Variants in PCDHA7 observed in about 807,000 individuals in gnomAD.
PCDHA7 encodes protocadherin alpha-7.
In PCDHA7, 37 loss-of-function variants were observed where a neutral mutation model predicts 57.2. The ratio of observed to expected loss-of-function variants is 0.65; its 90% CI spans 0.50 to 0.85. PCDHA7 has a LOEUF of 0.85. PCDHA7 is among the 40% of genes least tolerant of loss of function. The pLI is 0.00. For missense variants in PCDHA7, 1,188 were observed against 1,241.8 expected (o/e 0.96, Z 0.65); for synonymous variants, 553 against 558.8 (o/e 0.99, Z 0.15).
At chr5:140,982,665 A>T in intron 3 of PCDHA7, 102 bp downstream of exon 3, 1 of 1,465,322 alleles carries the variant, frequency 6.8e-7, no homozygotes, top group Non-Finnish European at 9.0e-7. Context: ...TTTCTTTTAT[A>T]TTTTTGTTAT....
At chr5:140,859,579 G>A in intron 1 of PCDHA7, 1 of 171,440 alleles carries the variant, frequency 5.8e-6, no homozygotes, top group Non-Finnish European at 1.2e-5. Flanking sequence ...TTGTCATCTT[G>A]CCTATGGCTC....
chr5:140,995,893 A>G (rs1038677586), intron 3 of PCDHA7, among the ~76,000 whole-genome samples: 3 of 152,182 alleles, frequency 2.0e-5, no homozygotes, highest in Non-Finnish European at 4.4e-5. Flanking sequence ...AGATTTATCA[A>G]TGTATAAAAG....
intron 1 of PCDHA7, chr5:140,850,308 G>C: frequency 6.3e-7 from 1 of 1,597,160 alleles, no homozygotes; most frequent in Non-Finnish European, 8.6e-7. Flanking sequence ...GGGCTACAAC[G>C]CGTGGCTTTC....
chr5:140,867,523 A>AGT (rs2050005446), intron 1 of PCDHA7: 1 of 152,088 alleles, frequency 6.6e-6, no homozygotes, highest in South Asian at 2.1e-4. Context: ...TTAATAGTTG[A>AGT]ATATATATAT....
chr5:140,882,928 C>G (rs1554176132), intron 1 of PCDHA7: 1 of 1,614,140 alleles, frequency 6.2e-7, no homozygotes, highest in South Asian at 1.1e-5. Flanking sequence ...GAGGTAAACC[C>G]GAGCTGACTG....
intron 1 of PCDHA7, chr5:140,865,048 T>A (rs2048709545): frequency 1.3e-5 from 2 of 152,178 alleles, no homozygotes; most frequent in Admixed American, 1.3e-4. Flanking sequence ...AAAAATGTCA[T>A]TGTTTTTAAT....
chr5:140,836,242 T>C lies in PCDHA7; in HGVS notation c.1859T>C (p.Ile620Thr). 6.2e-7 allele frequency: 1 copy of C among 1,613,606 alleles called. No individual in the cohort carries two copies. Among genetic ancestry groups the C allele is most frequent in the South Asian group, 1.1e-5 (1 of 91,072 alleles). ...CAACCGGTGGCGGCCGGTGCGAGCA[T>C]CCCGTTCCGCGTGGGGCTGTACACT... ...ELQPVAAGAS[I>T]PFRVGLYTGE... is the part of the protein sequence containing the mutation. The change falls in exon 1 of 4, where the codon ATC (isoleucine) becomes ACC (threonine). Residue 620 changes from isoleucine to threonine, a missense_variant. This residue lies in a region of PCDHA7 where 892 missense variants were observed against 788.5 expected (regional missense o/e 1.13). Coordinates refer to ENST00000525929, the MANE Select transcript of PCDHA7 (RefSeq NM_018910.3).
chr5:140,836,477 G>A lies in PCDHA7; in HGVS notation c.2094G>A (p.Val698=). 3 of 1,613,846 alleles carry A rather than the reference G, an allele frequency of 1.9e-6. No homozygotes were observed. The highest frequency in any genetic ancestry group is 1.1e-5 in the South Asian group (1 of 91,080). ...AGACCGAGCTGGTGGATGTCAACGT[G>A]TACCTGATCATCGCCATCTGCGCGG... ...GPETELVDVN[V]YLIIAICAVS... Residue 698 remains valine, a synonymous_variant, in exon 1 of 4, where the codon GTG becomes GTA. Transcript: ENST00000525929.
chr5:140,877,521 AG>A, intron 1 of PCDHA7: 1 of 1,613,770 alleles, frequency 6.2e-7, no homozygotes, highest in African/African-American at 1.3e-5. Context: ...CGCGGGCCTC[AG>A]TGGGCGCTGT....
Position 140,836,571 on chromosome 5 carries a change from G to T in PCDHA7, c.2188G>T (p.Gly730Cys). The stretch of plus-strand genomic sequence containing the variant: ...GCGGTGCTCAGCGCCGTCCTCTGAG[G>T]GCGCATGTAGTTTGGTAAAGCCCAC... The part of the protein sequence containing the change: ...ALRCSAPSSE[G>C]ACSLVKPTLV... Residue 730 changes from glycine to cysteine, a missense_variant, in exon 1 of 4, where the codon GGC (glycine) becomes TGC (cysteine). By Grantham distance (159) the Gly-to-Cys change is radical. Around this residue, in one of 3 missense-constraint regions of PCDHA7, gnomAD observed 892 missense variants for 788.5 expected, o/e 1.13. Transcript: ENST00000525929. 6.2e-7 allele frequency: 1 copy of T among 1,613,712 alleles called. No individual in the cohort carries two copies. The highest frequency in any genetic ancestry group is 1.1e-5 in the South Asian group (1 of 91,072).
At chr5:140,886,951 C>T (rs1277166050) in intron 1 of PCDHA7, among the ~76,000 whole-genome samples, 1 of 151,696 alleles carries the variant, frequency 6.6e-6, no homozygotes, top group Non-Finnish European at 1.5e-5. Flanking sequence ...ACACATTAGA[C>T]ATTTAGCAAC....
At chr5:141,006,622 T>C (rs555577523) in intron 3 of PCDHA7, among the ~76,000 whole-genome samples, 21 of 152,132 alleles carry the variant, frequency 1.4e-4, no homozygotes, top group Non-Finnish European at 7.3e-5. Flanking sequence ...AAGGAGACTA[T>C]TGCTGCAATT....
chr5:140,874,567 G>A (rs2055003260), intron 1 of PCDHA7, among the ~76,000 whole-genome samples: 1 of 152,180 alleles, frequency 6.6e-6, no homozygotes, highest in African/African-American at 2.4e-5. Flanking sequence ...GCATTTTAGT[G>A]CTCCATTGTT....
intron 1 of PCDHA7, chr5:140,841,323 T>G: frequency 1.3e-6 from 2 of 1,588,196 alleles, no homozygotes; most frequent in Non-Finnish European, 1.7e-6. Flanking sequence ...CTATTTAACA[T>G]GGATTATCAC....
At chr5:140,943,630 T>C (rs1224015760) in intron 1 of PCDHA7, among the ~76,000 whole-genome samples, 1 of 152,130 alleles carries the variant, frequency 6.6e-6, no homozygotes, top group Non-Finnish European at 1.5e-5. Flanking sequence ...ATAAGGAAGC[T>C]GGATTATGGA....
chr5:140,869,880 T>C (rs923843539), intron 1 of PCDHA7: 12 of 1,610,162 alleles, frequency 7.5e-6, no homozygotes, highest in South Asian at 3.3e-5. Flanking sequence ...CTAAAGAAAC[T>C]CTTGTGCTCA....
intron 1 of PCDHA7, among the ~76,000 whole-genome samples, chr5:140,915,369 G>GTC (rs2077091836): frequency 6.6e-6 from 1 of 152,160 alleles, no homozygotes; most frequent in Admixed American, 6.5e-5. Context: ...ACCAGTAAGT[G>GTC]TCTCGGCATT....
At chr5:140,928,594 G>A in intron 1 of PCDHA7, 1 of 1,614,204 alleles carries the variant, frequency 6.2e-7, no homozygotes, top group Non-Finnish European at 8.5e-7. Context: ...TGTCCCAGTG[G>A]AAATTGTGCC....
chr5:140,919,709 G>T (rs782509447), intron 1 of PCDHA7, among the ~76,000 whole-genome samples: 5 of 152,076 alleles, frequency 3.3e-5, no homozygotes, highest in Non-Finnish European at 7.4e-5. Context: ...CTTAATTCTA[G>T]TGAGATATAA....
Sources: gnomAD v4.1 joint callset for allele counts (sites outside exome capture counted in the v4.1 genomes callset) on GRCh38, gnomAD v4.1.1 for gene constraint, gnomAD v4.1.1 regional missense constraint, MANE v1.5 for transcripts, NCBI Gene and HGNC (gene_info 2026-07-23, HGNC 2026-07-21) for gene names.